Variants in GPR158 observed in about 807,000 individuals in gnomAD.
GPR158 encodes the protein G protein-coupled receptor 158.
A neutral mutation model predicts 78.2 loss-of-function variants in GPR158; 30 were observed. The observed-to-expected ratio is 0.38, with a 90% CI of 0.29 to 0.52. The LOEUF (loss-of-function observed/expected upper bound fraction) is 0.52, where lower values mean the gene tolerates loss of function less well. Among genes scored for constraint, GPR158 ranks in the 20% least tolerant of loss-of-function variants. GPR158 has a pLI of 0.83. For synonymous variants in GPR158, 581 were observed against 591.1 expected (o/e 0.98, Z 0.25); for missense variants, 1,463 against 1,523.5 (o/e 0.96, Z 0.66).
intron 2 of GPR158, among the ~76,000 whole-genome samples, chr10:25,303,095 G>A (rs998261477): frequency 7.2e-5 from 11 of 152,210 alleles, no homozygotes; most frequent in Non-Finnish European, 1.6e-4. Flanking sequence ...CTTGGTAAAT[G>A]CTGATAGTAA....
intron 2 of GPR158, among the ~76,000 whole-genome samples, chr10:25,278,268 G>A (rs1232955983): frequency 6.6e-6 from 1 of 152,078 alleles, no homozygotes; most frequent in Non-Finnish European, 1.5e-5. Flanking sequence ...AAAAATGAAT[G>A]TGTAGAAATA....
At chr10:25,594,479 G>T (rs1465856223) in intron 9 of GPR158, 82 bp downstream of exon 9, 5 of 570,280 alleles carry the variant, frequency 8.8e-6, no homozygotes, top group Non-Finnish European at 1.5e-5. Flanking sequence ...GCAAAAGGAG[G>T]TATGGAAATT....
chr10:25,396,410 T>G (rs1374726968), intron 3 of GPR158, among the ~76,000 whole-genome samples: 3 of 152,164 alleles, frequency 2.0e-5, no homozygotes, highest in Admixed American at 2.0e-4. Flanking sequence ...GTGAGCAGCT[T>G]AAAGCAGCAC....
chr10:25,532,233 C>G (rs907081185), intron 5 of GPR158, among the ~76,000 whole-genome samples: 42 of 152,206 alleles, frequency 2.8e-4, no homozygotes, highest in Non-Finnish European at 5.3e-4. Flanking sequence ...TTGTTTTTCA[C>G]CAGAGAATGG....
chr10:25,258,859 T>A (rs1373447267), intron 2 of GPR158, among the ~76,000 whole-genome samples: 1 of 152,232 alleles, frequency 6.6e-6, no homozygotes, highest in East Asian at 1.9e-4. Context: ...GGAAGCCTTG[T>A]CTGTAACATA....
At chr10:25,254,558 C>G (rs974561239) in intron 2 of GPR158, among the ~76,000 whole-genome samples, 3 of 152,040 alleles carry the variant, frequency 2.0e-5, no homozygotes, top group African/African-American at 7.2e-5. Context: ...AGATGGGGAT[C>G]ACTAAGTTAT....
At chr10:25,560,978 G>A (rs1457137161) in intron 6 of GPR158, among the ~76,000 whole-genome samples, 4 of 151,976 alleles carry the variant, frequency 2.6e-5, no homozygotes, top group African/African-American at 9.7e-5. Context: ...AAGAGAAAAG[G>A]CTTTTTTAGA....
At chr10:25,487,421 C>T (rs956709369) in intron 5 of GPR158, among the ~76,000 whole-genome samples, 7 of 152,096 alleles carry the variant, frequency 4.6e-5, no homozygotes, top group Admixed American at 2.0e-4. Context: ...CCTCCTTGGC[C>T]GTAAATACCA....
At chr10:25,195,533 A>AT (rs532593382) in intron 1 of GPR158, among the ~76,000 whole-genome samples, 74 of 152,210 alleles carry the variant, frequency 4.9e-4, no homozygotes, top group African/African-American at 1.8e-3. Flanking sequence ...CAATCATTCC[A>AT]TTTGTTAAAG....
intron 5 of GPR158, among the ~76,000 whole-genome samples, chr10:25,547,670 C>T (rs1344465134): frequency 6.6e-6 from 1 of 152,142 alleles, no homozygotes; most frequent in Non-Finnish European, 1.5e-5. Flanking sequence ...AGTTAGGAGG[C>T]AGGATGACAT....
intron 5 of GPR158, among the ~76,000 whole-genome samples, chr10:25,477,974 G>T (rs1398024365): frequency 6.6e-6 from 1 of 152,140 alleles, no homozygotes; most frequent in African/African-American, 2.4e-5. Context: ...CAGAAGTTCT[G>T]TGTAGTTCCA....
intron 3 of GPR158, among the ~76,000 whole-genome samples, chr10:25,397,217 G>C (rs1442395993): frequency 6.6e-6 from 1 of 152,098 alleles, no homozygotes; most frequent in East Asian, 1.9e-4. Context: ...ATTGAAACTT[G>C]GTCATCTGGT....
intron 5 of GPR158, among the ~76,000 whole-genome samples, chr10:25,473,383 T>C (rs1835536583): frequency 6.6e-6 from 1 of 152,164 alleles, no homozygotes. Context: ...ATTTTTGCAT[T>C]GATGTTCATC....
At chr10:25,193,636 T>C (rs936511109) in intron 1 of GPR158, among the ~76,000 whole-genome samples, 1 of 152,232 alleles carries the variant, frequency 6.6e-6, no homozygotes, top group Non-Finnish European at 1.5e-5. Flanking sequence ...TCTAGGAATA[T>C]GTACATTGTG....
At chr10:25,572,621 T>G in intron 6 of GPR158, 28 bp from the exon 7 acceptor site, 1 of 1,384,478 alleles carries the variant, frequency 7.2e-7, no homozygotes. Flanking sequence ...TTAGGTTTGC[T>G]TTCACATTTG....
At chr10:25,564,538 G>C (rs1836903456) in intron 6 of GPR158, among the ~76,000 whole-genome samples, 1 of 152,088 alleles carries the variant, frequency 6.6e-6, no homozygotes. Context: ...TTAGCAGTTG[G>C]GTAAAACAAA....
At chr10:25,580,217 C>G (rs1020471862) in intron 7 of GPR158, among the ~76,000 whole-genome samples, 1 of 152,128 alleles carries the variant, frequency 6.6e-6, no homozygotes, top group African/African-American at 2.4e-5. Flanking sequence ...TTAGTGAATT[C>G]CAGCATTGAT....
At chr10:25,356,716 A>T (rs1406769160) in intron 2 of GPR158, among the ~76,000 whole-genome samples, 1 of 152,122 alleles carries the variant, frequency 6.6e-6, no homozygotes, top group African/African-American at 2.4e-5. Flanking sequence ...GTGAAACTGT[A>T]AGTCCAATAA....
At chr10:25,370,933 T>A (rs1833980718) in intron 2 of GPR158, among the ~76,000 whole-genome samples, 1 of 150,890 alleles carries the variant, frequency 6.6e-6, no homozygotes, top group South Asian at 2.1e-4. Context: ...TGGTCTTCTT[T>A]GTCTCTTTTG....
Sources: allele counts gnomAD v4.1 joint callset (sites outside exome capture counted in the v4.1 genomes callset), GRCh38; gene constraint gnomAD v4.1.1; transcripts MANE v1.5; gene names NCBI Gene and HGNC (gene_info 2026-07-23, HGNC 2026-07-21).